The following ADAMTSL1 variants were observed in gnomAD, a reference collection of about 807,000 sequenced individuals.
ADAMTSL1 encodes ADAMTS like 1.
ADAMTSL1 carries 126 observed loss-of-function variants against 201.8 expected under a neutral mutation model. The observed-to-expected ratio is 0.62, with a 90% CI of 0.54 to 0.72. The LOEUF is 0.72. ADAMTSL1 is among the 30% of genes least tolerant of loss of function. The pLI, the probability that ADAMTSL1 is intolerant of heterozygous loss-of-function variation, is 0.00. For synonymous variants in ADAMTSL1, 1,121 were observed against 903.4 expected, an observed-to-expected ratio of 1.24 and a Z score of -4.32; for missense variants, 2,679 against 2,277.8, an observed-to-expected ratio of 1.18 and a Z score of -3.59.
In ADAMTSL1 at chr9:18,908,521, C is replaced by T. The variant is rs549894070; in HGVS notation, c.5262C>T (p.Arg1754=). 198 of 1,562,958 alleles carry T rather than the reference C, an allele frequency of 1.3e-4. 3 individuals are homozygous for T. The South Asian group carries it at 2.2e-3, about 18-fold the overall frequency. The change falls in exon 29 of 29, where the codon CGC becomes CGT. Residue 1754 remains arginine, a synonymous_variant. Coordinates refer to ENST00000380548, the MANE Select transcript of ADAMTSL1 (RefSeq NM_001040272.6). ...KLCQLSQFKS[R]CCGTCGKA Reference sequence around the variant, plus strand: ...GCCAACTCAGCCAGTTTAAATCTCGCTGCTGTGGAACTTGTGGCAAAGCGT... The same window carrying T: ...GCCAACTCAGCCAGTTTAAATCTCGTTGCTGTGGAACTTGTGGCAAAGCGT...
intron 22 of ADAMTSL1, among the ~76,000 whole-genome samples, chr9:18,829,263 C>G (rs1441545599): frequency 6.6e-6 from 1 of 152,208 alleles, no homozygotes; most frequent in African/African-American, 2.4e-5. Flanking sequence ...ACATTCTCCT[C>G]CCTGCTTTAT....
chr9:18,225,166 C>G (rs1368342611), intron 2 of ADAMTSL1, among the ~76,000 whole-genome samples: 1 of 152,138 alleles, frequency 6.6e-6, no homozygotes, highest in Non-Finnish European at 1.5e-5. Context: ...TTTAACCTCT[C>G]AAAAGCATTT....
intron 1 of ADAMTSL1, among the ~76,000 whole-genome samples, chr9:17,968,528 C>G (rs931274276): frequency 1.3e-5 from 2 of 152,084 alleles, no homozygotes; most frequent in African/African-American, 4.8e-5. Context: ...TGCATTGTTT[C>G]ATCTGGTAAA....
At chr9:18,114,641 C>T (rs1825172525) in intron 1 of ADAMTSL1, among the ~76,000 whole-genome samples, 1 of 152,104 alleles carries the variant, frequency 6.6e-6, no homozygotes, top group Admixed American at 6.6e-5. Flanking sequence ...AAAATTGTTA[C>T]ATCAGACTCT....
At chr9:18,340,636 T>A (rs886716741) in intron 2 of ADAMTSL1, among the ~76,000 whole-genome samples, 1 of 152,158 alleles carries the variant, frequency 6.6e-6, no homozygotes, top group Non-Finnish European at 1.5e-5. Flanking sequence ...GGGAGGTAAT[T>A]GAATCATGGG....
At chr9:18,014,648 C>T (rs989288751) in intron 1 of ADAMTSL1, among the ~76,000 whole-genome samples, 3 of 152,026 alleles carry the variant, frequency 2.0e-5, no homozygotes, top group Non-Finnish European at 4.4e-5. Flanking sequence ...ATAGTTTTAA[C>T]CGTAGGTTTC....
intron 2 of ADAMTSL1, among the ~76,000 whole-genome samples, chr9:18,422,202 CCACCTT>C: frequency 6.6e-6 from 1 of 152,056 alleles, no homozygotes; most frequent in Non-Finnish European, 1.5e-5. Flanking sequence ...CACACACAAG[CCACCTT>C]AAACATGGAA....
chr9:18,303,522 C>T (rs1023845315), intron 2 of ADAMTSL1, among the ~76,000 whole-genome samples: 2 of 152,188 alleles, frequency 1.3e-5, no homozygotes, highest in Non-Finnish European at 2.9e-5. Context: ...CGGGCTTCTT[C>T]AGCTACCATA....
chr9:18,771,603 C>G (rs796880641), intron 17 of ADAMTSL1, among the ~76,000 whole-genome samples: 5 of 150,828 alleles, frequency 3.3e-5, no homozygotes, highest in African/African-American at 1.2e-4. Context: ...TAGCCAAGAA[C>G]AGAATCACTA....
At chr9:18,683,054 G>C (rs925430024) in intron 12 of ADAMTSL1, among the ~76,000 whole-genome samples, 2 of 152,038 alleles carry the variant, frequency 1.3e-5, no homozygotes, top group South Asian at 4.1e-4. Context: ...CCTGACTATC[G>C]TCAGTGCCCT....
chr9:18,070,640 ATC>A lies in ADAMTSL1; in HGVS notation c.88-93220_88-93219del, dbSNP rs202096081. On this transcript the variant is annotated intron_variant, in intron 1 of 29. Coordinates refer to the ADAMTSL1 transcript ENST00000680146. ...CTAAATGGCCCAGCTGTGAGGGAGAATCTGAAGATAAAATCTTGGGAAATGAT... is the reference window on the plus strand; with the variant it reads ...CTAAATGGCCCAGCTGTGAGGGAGAATGAAGATAAAATCTTGGGAAATGAT... Among the ~76,000 whole-genome samples the A allele has an allele frequency of 7.1e-3, 1,087 of 152,044 alleles. 19 individuals carry two copies. Among genetic ancestry groups the A allele is most frequent in the African/African-American group, 0.024 (1,015 of 41,486 alleles).
chr9:18,005,265 A>G (rs943389399), intron 1 of ADAMTSL1, among the ~76,000 whole-genome samples: 5 of 152,034 alleles, frequency 3.3e-5, no homozygotes, highest in Admixed American at 6.6e-5. Context: ...GACCTAGAAA[A>G]CACTTCAAAG....
chr9:18,017,093 C>G (rs549205773), intron 1 of ADAMTSL1, among the ~76,000 whole-genome samples: 1 of 152,124 alleles, frequency 6.6e-6, no homozygotes, highest in Admixed American at 6.6e-5. Context: ...TGCAATGATT[C>G]CAGATAGATC....
chr9:18,666,954 T>C (rs1005875970), intron 9 of ADAMTSL1, among the ~76,000 whole-genome samples: 1 of 150,998 alleles, frequency 6.6e-6, no homozygotes, highest in African/African-American at 2.4e-5. Context: ...GATTTTCTTT[T>C]TTTTTTTTTT....
chr9:18,119,372 A>C (rs577538527), intron 1 of ADAMTSL1, among the ~76,000 whole-genome samples: 7 of 151,872 alleles, frequency 4.6e-5, no homozygotes, highest in Non-Finnish European at 1.5e-5. Context: ...GGCTTACTGC[A>C]AACTCCGCCT....
intron 1 of ADAMTSL1, among the ~76,000 whole-genome samples, chr9:18,083,826 G>A (rs1298838743): frequency 6.6e-6 from 1 of 152,094 alleles, no homozygotes; most frequent in Non-Finnish European, 1.5e-5. Context: ...CAACATTCTT[G>A]CTCTAGCTCT....
At chr9:18,004,404 G>T (rs1244540784) in intron 1 of ADAMTSL1, among the ~76,000 whole-genome samples, 1 of 151,976 alleles carries the variant, frequency 6.6e-6, no homozygotes, top group Non-Finnish European at 1.5e-5. Context: ...GACTCCTACA[G>T]ATAGCCTAGG....
intron 2 of ADAMTSL1, among the ~76,000 whole-genome samples, chr9:18,444,210 T>A (rs1408315491): frequency 6.6e-6 from 1 of 152,098 alleles, no homozygotes; most frequent in Non-Finnish European, 1.5e-5. Flanking sequence ...TTGCAGTGAA[T>A]GAGAAAAGAA....
intron 2 of ADAMTSL1, among the ~76,000 whole-genome samples, chr9:18,203,615 A>G (rs1829535061): frequency 6.6e-6 from 1 of 152,034 alleles, no homozygotes; most frequent in Admixed American, 6.6e-5. Flanking sequence ...GTTTATGTGC[A>G]TGCATATGTA....
Sources: gnomAD v4.1 joint callset for allele counts (sites outside exome capture counted in the v4.1 genomes callset) on GRCh38, gnomAD v4.1.1 for gene constraint, MANE v1.5 for transcripts, NCBI Gene and HGNC (gene_info 2026-07-23, HGNC 2026-07-21) for gene names.